The following ARMC2 variants were observed in gnomAD, a reference collection of about 807,000 sequenced individuals.
ARMC2 encodes the protein armadillo repeat containing 2, also known as armadillo repeat-containing protein 2.
In ARMC2, 67 loss-of-function variants were observed where a neutral mutation model predicts 90.3. That is an observed-to-expected ratio of 0.74 (90% CI 0.61 to 0.91). The LOEUF (loss-of-function observed/expected upper bound fraction) is 0.91. Among genes scored for constraint, ARMC2 ranks in the 40% least tolerant of loss-of-function variants. ARMC2 has a pLI of 0.00. For synonymous variants in ARMC2, 393 were observed against 393.0 expected (o/e 1.00, Z 0.00); for missense variants, 920 against 1,030.9 (o/e 0.89, Z 1.47).
chr6:109,041,228 T>C, the ARMC2 span, among the ~76,000 whole-genome samples: 4 of 151,596 alleles, frequency 2.6e-5, no homozygotes, highest in Non-Finnish European at 5.9e-5. Flanking sequence ...AGGAGGATTG[T>C]TTGAACACAG....
At chr6:109,017,305 A>C in the ARMC2 span, among the ~76,000 whole-genome samples, 1 of 152,134 alleles carries the variant, frequency 6.6e-6, no homozygotes, top group South Asian at 2.1e-4. Flanking sequence ...CATTTCTTTT[A>C]GACAGAGTCT....
chr6:108,857,758 T>A (rs1334512620), intron 2 of ARMC2, among the ~76,000 whole-genome samples: 1 of 138,294 alleles, frequency 7.2e-6, no homozygotes, highest in African/African-American at 2.4e-5. Context: ...CTCTTTAGCT[T>A]GTATTTTATG....
the ARMC2 span, among the ~76,000 whole-genome samples, chr6:109,003,770 G>A: frequency 2.0e-5 from 3 of 151,994 alleles, no homozygotes; most frequent in Admixed American, 1.3e-4. Flanking sequence ...TATAATTTTG[G>A]CACCAATAGC....
chr6:108,935,165 C>T (rs982269173), intron 11 of ARMC2, among the ~76,000 whole-genome samples: 3 of 152,070 alleles, frequency 2.0e-5, no homozygotes, highest in Admixed American at 1.3e-4. Context: ...TTTGATTGTT[C>T]GTGCTGTTTC....
At chr6:108,948,596 A>G (rs1356918973) in intron 12 of ARMC2, among the ~76,000 whole-genome samples, 2 of 150,774 alleles carry the variant, frequency 1.3e-5, no homozygotes, top group Non-Finnish European at 1.5e-5. Context: ...CGCGGCTGCC[A>G]GGAACCACCC....
At chr6:108,934,718 G>A (rs1434869038) in intron 11 of ARMC2, among the ~76,000 whole-genome samples, 1 of 152,044 alleles carries the variant, frequency 6.6e-6, no homozygotes, top group East Asian at 1.9e-4. Context: ...ACTTGGTTCA[G>A]TTTCAAAAAG....
chr6:108,853,756 T>C (rs963450791), intron 1 of ARMC2, among the ~76,000 whole-genome samples: 9 of 152,190 alleles, frequency 5.9e-5, no homozygotes, highest in Non-Finnish European at 7.4e-5. Flanking sequence ...TGGACAAATG[T>C]GGGGCTGAAC....
At chr6:108,888,849 C>G (rs1443608325) in intron 5 of ARMC2, among the ~76,000 whole-genome samples, 1 of 152,188 alleles carries the variant, frequency 6.6e-6, no homozygotes, top group Non-Finnish European at 1.5e-5. Context: ...TCAGATTAGT[C>G]CTTGTTCCTT....
Position 108,933,122 on chromosome 6 carries a change from A to G in ARMC2, c.1497-3778A>G, listed in dbSNP as rs186736843. ...TGTGAAGAATGTCATTGGTAGTTTG[A>G]TAGGAATAGGATTGAATCTGTAAAT... On this transcript the variant is annotated intron_variant, in intron 11 of 17. Transcript: ENST00000392644. Among the ~76,000 whole-genome samples the G allele has an allele frequency of 3.9e-3, 585 of 151,878 alleles. 1 individual carries two copies. Among genetic ancestry groups the G allele is most frequent in the Admixed American group, 6.9e-3 (105 of 15,260 alleles).
chr6:109,051,582 A>C, the ARMC2 span, among the ~76,000 whole-genome samples: 4 of 152,250 alleles, frequency 2.6e-5, no homozygotes, highest in African/African-American at 9.6e-5. Context: ...AGAATTACAA[A>C]GAGTTTAGAA....
At chr6:108,976,646 GT>G (rs1196485472), downstream of ARMC2, among the ~76,000 whole-genome samples, 1 of 151,988 alleles carries the variant, frequency 6.6e-6, no homozygotes, top group African/African-American at 2.4e-5. Context: ...AGCATGGAAT[GT>G]TTTTTTAATT....
chr6:108,950,603 A>G (rs1460404178), intron 12 of ARMC2, among the ~76,000 whole-genome samples: 3 of 152,204 alleles, frequency 2.0e-5, no homozygotes, highest in Non-Finnish European at 4.4e-5. Flanking sequence ...GAAGGGGACA[A>G]CAGACACTGG....
At chr6:108,995,582 C>T in the ARMC2 span, among the ~76,000 whole-genome samples, 1 of 152,164 alleles carries the variant, frequency 6.6e-6, no homozygotes, top group South Asian at 2.1e-4. Context: ...AAAGCTAGAT[C>T]AAATCTATGC....
chr6:108,967,968 A>G lies in ARMC2; in HGVS notation c.2446+2828A>G, dbSNP rs568144469. Among the ~76,000 whole-genome samples, 5 of 152,340 alleles carry G rather than the reference A, an allele frequency of 3.3e-5. No homozygotes were observed. The East Asian group carries it at 9.6e-4, about 29-fold the overall frequency. ...TCAAGCCCACAGTCGTAGGCTAGTCATAGGAAATCTATACTTCTTATATAG... is the reference window on the plus strand; with the variant it reads ...TCAAGCCCACAGTCGTAGGCTAGTCGTAGGAAATCTATACTTCTTATATAG... On this transcript the variant is annotated intron_variant, in intron 17 of 17. Transcript: ENST00000392644.
In ARMC2 at chr6:108,936,916, C is replaced by G. The variant is rs146589794; in HGVS notation, c.1513C>G (p.Arg505Gly). The change falls in exon 12 of 18, where the codon CGT (arginine) becomes GGT (glycine). Residue 505 changes from arginine (R) to glycine (G), a missense_variant. Physicochemically the swap from Arg to Gly is moderately radical, Grantham distance 125 (BLOSUM62 -2). Transcript: ENST00000392644. ...ARIFSKLTSY[R>G]DCCTALASYS... is the part of the protein sequence containing the mutation. ...TTTCTGCAGCAAACTTACTTCTTAC[C>G]GTGACTGCTGCACAGCCTTGGCCAG... 3.8e-6 allele frequency: 6 copies of G among 1,598,818 alleles called. No individual in the cohort carries two copies. Among genetic ancestry groups the G allele is most frequent in the Non-Finnish European group, 5.1e-6 (6 of 1,171,920 alleles).
chr6:108,929,835 C>T (rs374111043), intron 11 of ARMC2, among the ~76,000 whole-genome samples: 2 of 152,206 alleles, frequency 1.3e-5, no homozygotes, highest in Admixed American at 6.5e-5. Context: ...TGGTCAGGCA[C>T]AGTGGCTCAC....
the ARMC2 span, chr6:108,992,727 T>C: frequency 1.9e-6 from 2 of 1,071,908 alleles, no homozygotes; most frequent in Non-Finnish European, 2.9e-6. Flanking sequence ...GGCTGTTTTG[T>C]ATTTTAAGTC....
At chr6:108,897,413 G>T (rs1771707537) in intron 6 of ARMC2, among the ~76,000 whole-genome samples, 1 of 152,172 alleles carries the variant, frequency 6.6e-6, no homozygotes, top group African/African-American at 2.4e-5. Flanking sequence ...TGATGGTGAA[G>T]TCTTGCATTG....
the ARMC2 span, among the ~76,000 whole-genome samples, chr6:109,012,462 C>G: frequency 6.6e-6 from 1 of 152,124 alleles, no homozygotes; most frequent in East Asian, 1.9e-4. Context: ...ATGCACTCAG[C>G]CTTATTTTTC....
Sources: gnomAD v4.1 joint callset for allele counts (sites outside exome capture counted in the v4.1 genomes callset) on GRCh38, gnomAD v4.1.1 for gene constraint, MANE v1.5 for transcripts, NCBI Gene and HGNC (gene_info 2026-07-23, HGNC 2026-07-21) for gene names.